The following EREG variants were observed in gnomAD, a reference collection of about 807,000 sequenced individuals.
EREG encodes epiregulin.
A neutral mutation model predicts 22.4 loss-of-function variants in EREG; 23 were observed. The ratio of observed to expected loss-of-function variants is 1.03; its 90% CI spans 0.74 to 1.46. The LOEUF (loss-of-function observed/expected upper bound fraction) is 1.46. Ranked by LOEUF, EREG falls within the 40% of genes most tolerant of loss-of-function variation. The pLI, the probability that EREG is intolerant of heterozygous loss-of-function variation, is 0.00. For synonymous variants in EREG, 100 were observed against 75.4 expected (o/e 1.33, Z -1.69); for missense variants, 226 against 205.9 (o/e 1.10, Z -0.60).
In EREG at chr4:74,382,721, G is replaced by A. The variant is rs757208630; in HGVS notation, c.355G>A (p.Val119Met). 8 of 1,613,812 alleles carry A rather than the reference G, an allele frequency of 5.0e-6. No individual in the cohort carries two copies. In the Admixed American group the frequency reaches 1.2e-4, roughly 24 times the overall value. ...CCACCAACCTTTAAGCAAAGAATAT[G>A]TGGCTTTGACCGTGATTCTTATTAT... The part of the protein sequence containing the change: ...TVHQPLSKEY[V>M]ALTVILIILF... Residue 119 changes from valine (V) to methionine (M), a missense_variant, in exon 4 of 5, where the codon GTG (valine) becomes ATG (methionine). Val to Met is a conservative substitution (Grantham distance 21). Transcript: ENST00000244869.
intron 1 of EREG, among the ~76,000 whole-genome samples, chr4:74,376,623 A>AT (rs760669457): frequency 2.0e-5 from 3 of 152,332 alleles, no homozygotes; most frequent in Admixed American, 6.5e-5. Context: ...ACAAAAATAT[A>AT]TTTTTTGTAG....
At chr4:74,369,165 T>C (rs1272820168) in intron 1 of EREG, among the ~76,000 whole-genome samples, 1 of 152,222 alleles carries the variant, frequency 6.6e-6, no homozygotes, top group Non-Finnish European at 1.5e-5. Context: ...AAAATTTCAG[T>C]AGCATTTGGG....
intron 1 of EREG, among the ~76,000 whole-genome samples, chr4:74,368,482 C>T (rs1165663545): frequency 6.6e-6 from 1 of 152,124 alleles, no homozygotes; most frequent in Non-Finnish European, 1.5e-5. Context: ...TTGGATATAG[C>T]ATTGATAAGG....
chr4:74,375,303 ATTCTTTTTTTTTTTTTTTTT>A (rs1376189531), intron 1 of EREG, among the ~76,000 whole-genome samples: 1 of 107,400 alleles, frequency 9.3e-6, no homozygotes, highest in Non-Finnish European at 1.9e-5. Context: ...ATGACTAGCG[ATTCTTTTTTTTTTTTTTTTT>A]TTTTTTTTTT....
intron 1 of EREG, among the ~76,000 whole-genome samples, chr4:74,375,578 C>T (rs1752368353): frequency 6.6e-6 from 1 of 151,844 alleles, no homozygotes; most frequent in East Asian, 1.9e-4. Flanking sequence ...ATCCGCACGC[C>T]TCGGCCTCCC....
chr4:74,371,196 A>G (rs956091927), intron 1 of EREG, among the ~76,000 whole-genome samples: 1 of 152,080 alleles, frequency 6.6e-6, no homozygotes, highest in African/African-American at 2.4e-5. Context: ...CATAAAATAT[A>G]CTTTTTTTTA....
Position 74,384,970 on chromosome 4 carries a change from CTA to C in EREG, c.*164_*165del, listed in dbSNP as rs1273606033. 1.6e-5 allele frequency: 8 copies of C among 507,060 alleles called. No individual in the cohort carries two copies. Among genetic ancestry groups the C allele is most frequent in the Non-Finnish European group, 2.9e-5 (8 of 279,146 alleles). 31.4% of individuals were successfully genotyped at this position (507,060 alleles called of 1,614,324 possible). A position where few individuals can be genotyped will look rare whatever the true frequency, so the allele number is the denominator to read the frequency against. On this transcript the variant is annotated 3_prime_UTR_variant, in exon 5 of 5. Transcript: ENST00000244869. ...TTATTTTTGTTTTATTTTTGACAGA[CTA>C]TTTGCTAATGTATAATGTGCAGAAA...
In EREG at chr4:74,387,512, G is replaced by C. The variant is rs1166224727; in HGVS notation, c.*2704G>C. 6.6e-6 allele frequency: 1 copy of C among 152,114 alleles called. No homozygotes were observed. The highest frequency in any genetic ancestry group is 1.5e-5 in the Non-Finnish European group (1 of 68,028). 9.4% of individuals were successfully genotyped at this position (152,114 alleles called of 1,614,324 possible). On this transcript the variant is annotated 3_prime_UTR_variant, in exon 5 of 5. Transcript: ENST00000244869. ...CTTAAAAAAGCTAATCCCTAAAATA[G>C]TTAGATCTTTGTAAATGCATATTAA...
At chr4:74,373,795 T>C (rs1269240386) in intron 1 of EREG, among the ~76,000 whole-genome samples, 1 of 151,554 alleles carries the variant, frequency 6.6e-6, no homozygotes, top group Non-Finnish European at 1.5e-5. Context: ...CTCTGAAAAG[T>C]AGGTTGCTAC....
chr4:74,371,818 C>T (rs1392880225), intron 1 of EREG, among the ~76,000 whole-genome samples: 1 of 151,888 alleles, frequency 6.6e-6, no homozygotes, highest in Non-Finnish European at 1.5e-5. Context: ...GCCTGCTGTC[C>T]TGCCTATGTC....
intron 1 of EREG, among the ~76,000 whole-genome samples, chr4:74,376,118 A>G (rs564239637): frequency 2.2e-4 from 33 of 152,298 alleles, no homozygotes; most frequent in Non-Finnish European, 3.8e-4. Flanking sequence ...CCAACGGTGG[A>G]AAAACTAACA....
intron 1 of EREG, among the ~76,000 whole-genome samples, chr4:74,375,745 A>G (rs998701628): frequency 6.6e-6 from 1 of 152,188 alleles, no homozygotes; most frequent in Non-Finnish European, 1.5e-5. Context: ...GTTTGGGAGC[A>G]GACGCATATT....
Position 74,381,131 on chromosome 4 carries a change from A to G in EREG, c.272A>G (p.Tyr91Cys), listed in dbSNP as rs1560599529. The G allele has an allele frequency of 6.2e-7, 1 of 1,610,672 alleles. No individual in the cohort carries two copies. The highest frequency in any genetic ancestry group is 1.7e-5 in the Admixed American group (1 of 59,268). ...TATCTGGTGGACATGAGTCAAAACTACTGCAGGTAATATGTCAGAAATAAA... is the reference window on the plus strand; with the variant it reads ...TATCTGGTGGACATGAGTCAAAACTGCTGCAGGTAATATGTCAGAAATAAA... ...CIYLVDMSQN[Y>C]CRCEVGYTGV... Residue 91 changes from tyrosine (Y) to cysteine (C), a missense_variant, in exon 3 of 5, where the codon TAC becomes TGC. Physicochemically the swap from Tyr to Cys is radical, Grantham distance 194. Coordinates refer to ENST00000244869, the MANE Select transcript of EREG (RefSeq NM_001432.3).
chr4:74,384,614 A>C (rs1752538021), intron 4 of EREG, 113 bp from the exon 5 acceptor site: 2 of 560,474 alleles, frequency 3.6e-6, no homozygotes, highest in South Asian at 3.4e-5. Flanking sequence ...AATCTGTTCA[A>C]CTTTGTCATT....
intron 4 of EREG, among the ~76,000 whole-genome samples, chr4:74,383,167 TTCC>T (rs1357582862): frequency 1.1e-4 from 17 of 152,212 alleles, no homozygotes. Flanking sequence ...AGAGTATCAA[TTCC>T]CTTCTTTATC....
chr4:74,366,288 C>A (rs1211983220), intron 1 of EREG, among the ~76,000 whole-genome samples: 1 of 152,132 alleles, frequency 6.6e-6, no homozygotes, highest in African/African-American at 2.4e-5. Context: ...GTCTCATATT[C>A]TCCCTGGAGT....
Position 74,384,774 on chromosome 4 carries a change from T to C in EREG, c.476T>C (p.Val159Ala). Residue 159 changes from valine to alanine, a missense_variant, in exon 5 of 5, where the codon GTT becomes GCT. Physicochemically the swap from Val to Ala is moderately conservative, Grantham distance 64. Transcript: ENST00000244869. ...GAACCAAAGAAGGAATATGAGAGAG[T>C]TACCTCAGGGGATCCAGAGTTGCCG... ...SKEPKKEYER[V>A]TSGDPELPQV 6.2e-7 allele frequency: 1 copy of C among 1,613,128 alleles called. No individual in the cohort carries two copies. The highest frequency in any genetic ancestry group is 8.5e-7 in the Non-Finnish European group (1 of 1,179,330).
intron 1 of EREG, among the ~76,000 whole-genome samples, chr4:74,374,554 TA>T (rs1189499428): frequency 6.6e-6 from 1 of 152,106 alleles, no homozygotes; most frequent in Non-Finnish European, 1.5e-5. Flanking sequence ...TAAATATAAA[TA>T]AAAATGAAGC....
chr4:74,375,380 G>T (rs1472432182), intron 1 of EREG, among the ~76,000 whole-genome samples: 1 of 126,556 alleles, frequency 7.9e-6, no homozygotes, highest in African/African-American at 3.0e-5. Flanking sequence ...GTGCAGTGGC[G>T]CGATCTCCGC....
Sources: allele counts gnomAD v4.1 joint callset (sites outside exome capture counted in the v4.1 genomes callset), GRCh38; gene constraint gnomAD v4.1.1; transcripts MANE v1.5; gene names NCBI Gene and HGNC (gene_info 2026-07-23, HGNC 2026-07-21).